Variants in ZNF704 observed in about 807,000 individuals in gnomAD.
ZNF704 encodes zinc finger protein 704.
Under a neutral mutation model 44.7 loss-of-function variants are expected in ZNF704, and 10 were observed. That is an observed-to-expected ratio of 0.22 (90% confidence interval 0.14 to 0.38). The LOEUF is 0.38. Ranked by LOEUF, ZNF704 falls within the 10% of genes least tolerant of loss-of-function variation. The pLI is 1.00. For missense variants in ZNF704, 390 were observed against 545.5 expected (o/e 0.71, Z 2.84); for synonymous variants, 211 against 207.6 (o/e 1.02, Z -0.14).
At chr8:80,742,011 C>A (rs373946620) in intron 2 of ZNF704, among the ~76,000 whole-genome samples, 22 of 152,270 alleles carry the variant, frequency 1.4e-4, no homozygotes, top group African/African-American at 3.9e-4. Context: ...CATGCCCACA[C>A]AGCAATATGG....
At chr8:80,685,654 G>A (rs914445981) in intron 4 of ZNF704, among the ~76,000 whole-genome samples, 1 of 152,248 alleles carries the variant, frequency 6.6e-6, no homozygotes, top group Non-Finnish European at 1.5e-5. Context: ...AGACTGGTGT[G>A]AAACAGCAAC....
intron 2 of ZNF704, among the ~76,000 whole-genome samples, chr8:80,735,249 T>C (rs1806647538): frequency 6.6e-6 from 1 of 152,246 alleles, no homozygotes; most frequent in Admixed American, 6.5e-5. Context: ...TCTTTCCTCC[T>C]TACCTATCCA....
chr8:80,745,945 C>T (rs1203917664), intron 2 of ZNF704, among the ~76,000 whole-genome samples: 15 of 152,188 alleles, frequency 9.9e-5, no homozygotes. Flanking sequence ...AAATATATTT[C>T]TGTCAAGGGA....
At chr8:80,673,082 T>G (rs1439623258) in intron 4 of ZNF704, among the ~76,000 whole-genome samples, 1 of 152,262 alleles carries the variant, frequency 6.6e-6, no homozygotes, top group African/African-American at 2.4e-5. Context: ...TAATGTGATA[T>G]GAAACATCTA....
At chr8:80,784,360 C>T (rs1313002023) in intron 2 of ZNF704, among the ~76,000 whole-genome samples, 1 of 152,198 alleles carries the variant, frequency 6.6e-6, no homozygotes, top group Non-Finnish European at 1.5e-5. Context: ...TCCAAAGTGA[C>T]TGTACCATTC....
chr8:80,729,314 A>G (rs1806536334), intron 2 of ZNF704, among the ~76,000 whole-genome samples: 1 of 152,184 alleles, frequency 6.6e-6, no homozygotes, highest in Non-Finnish European at 1.5e-5. Context: ...ATACCACAAA[A>G]GCCGGGTGGC....
intron 4 of ZNF704, among the ~76,000 whole-genome samples, chr8:80,680,635 T>C (rs1240856678): frequency 6.6e-6 from 1 of 152,172 alleles, no homozygotes; most frequent in African/African-American, 2.4e-5. Flanking sequence ...GATCAGTAAA[T>C]GCGCTCGTGT....
At chr8:80,809,832 A>AT (rs756789989) in intron 2 of ZNF704, among the ~76,000 whole-genome samples, 18 of 152,104 alleles carry the variant, frequency 1.2e-4, no homozygotes, top group Non-Finnish European at 1.5e-5. Context: ...TCTTAGAACA[A>AT]ACTTCTGATT....
chr8:80,738,318 C>T (rs1197065597), intron 2 of ZNF704, among the ~76,000 whole-genome samples: 1 of 152,186 alleles, frequency 6.6e-6, no homozygotes, highest in Non-Finnish European at 1.5e-5. Flanking sequence ...ATAGATACTC[C>T]TTCTCTACCT....
intron 1 of ZNF704, among the ~76,000 whole-genome samples, chr8:80,843,827 T>G (rs111445321): frequency 0.012 from 1,797 of 152,192 alleles, 33 homozygotes; most frequent in African/African-American, 0.041. Flanking sequence ...AAGGAACAAA[T>G]ATATTTTAGT....
At chr8:80,851,403 TG>T (rs1394249980) in intron 1 of ZNF704, among the ~76,000 whole-genome samples, 21 of 152,260 alleles carry the variant, frequency 1.4e-4, no homozygotes, top group African/African-American at 5.1e-4. Flanking sequence ...AAAAAAATGA[TG>T]AGTTCATGTC....
Position 80,630,281 on chromosome 8 carries a change from T to TA in ZNF704, c.*11084dup, listed in dbSNP as rs1481028440. 1 of 152,382 alleles carries TA rather than the reference T, an allele frequency of 6.6e-6. No homozygotes were observed. Among genetic ancestry groups the TA allele is most frequent in the South Asian group, 2.1e-4 (1 of 4,834 alleles). The allele number at this position is 152,382 out of a possible 1,614,324, so 9.4% of individuals were successfully genotyped here. A position where few individuals can be genotyped will look rare whatever the true frequency, so the allele number is the denominator to read the frequency against. On this transcript the variant is annotated 3_prime_UTR_variant, in exon 9 of 9. Coordinates refer to ENST00000327835, the MANE Select transcript of ZNF704 (RefSeq NM_001033723.3). ...GTAAAATTATATTTCAAAAGATCTC[T>TA]AAACATTGGACAGCATTGCCACCTA...
intron 2 of ZNF704, among the ~76,000 whole-genome samples, chr8:80,738,465 C>T (rs60513049): frequency 0.089 from 13,605 of 152,086 alleles, 810 homozygotes; most frequent in African/African-American, 0.16. Context: ...TATCGTTGTT[C>T]CTACTTTCTA....
At chr8:80,834,474 C>T (rs1312452484) in intron 1 of ZNF704, among the ~76,000 whole-genome samples, 2 of 152,074 alleles carry the variant, frequency 1.3e-5, no homozygotes, top group South Asian at 4.1e-4. Context: ...TCTCAGGAAT[C>T]AGTGTTGTTA....
At chr8:80,764,146 T>C (rs1231516242) in intron 2 of ZNF704, among the ~76,000 whole-genome samples, 1 of 152,192 alleles carries the variant, frequency 6.6e-6, no homozygotes, top group African/African-American at 2.4e-5. Context: ...CTTCTACATT[T>C]TTGGGTAGTG....
chr8:80,873,207 G>T (rs569100735), intron 1 of ZNF704, among the ~76,000 whole-genome samples: 32 of 152,144 alleles, frequency 2.1e-4, no homozygotes, highest in African/African-American at 7.0e-4. Flanking sequence ...CACCGGGCAC[G>T]AACCGGCGCC....
chr8:80,719,383 T>G (rs983764244), intron 2 of ZNF704, among the ~76,000 whole-genome samples: 12 of 152,198 alleles, frequency 7.9e-5, no homozygotes, highest in South Asian at 2.1e-4. Flanking sequence ...GGGCTTCATG[T>G]GGTGGTACCA....
intron 3 of ZNF704, among the ~76,000 whole-genome samples, chr8:80,690,681 C>T (rs1159773199): frequency 6.6e-6 from 1 of 152,172 alleles, no homozygotes; most frequent in Non-Finnish European, 1.5e-5. Context: ...GTAGTCAGGC[C>T]CATTTCAAGA....
At chr8:80,791,404 G>C (rs985490781) in intron 2 of ZNF704, among the ~76,000 whole-genome samples, 4 of 152,170 alleles carry the variant, frequency 2.6e-5, no homozygotes, top group African/African-American at 7.2e-5. Flanking sequence ...CAAAGTAGGT[G>C]AAAAATACAG....
Sources: allele counts gnomAD v4.1 joint callset (sites outside exome capture counted in the v4.1 genomes callset), GRCh38; gene constraint gnomAD v4.1.1; transcripts MANE v1.5; gene names NCBI Gene and HGNC (gene_info 2026-07-23, HGNC 2026-07-21).